SHROOM2: variants seen among roughly 807,000 people sequenced by gnomAD.
SHROOM2 encodes the protein shroom family member 2, also known as protein Shroom2.
SHROOM2 carries 33 observed loss-of-function variants against 75.9 expected under a neutral mutation model. The ratio of observed to expected loss-of-function variants is 0.43; its 90% CI spans 0.33 to 0.58. SHROOM2 has a LOEUF of 0.58. SHROOM2 is among the 20% of genes least tolerant of loss of function. SHROOM2 has a pLI of 0.04. For missense variants in SHROOM2, 1,434 were observed against 1,461.2 expected, an observed-to-expected ratio of 0.98 and a Z score of 0.30; for synonymous variants, 655 against 663.6, an observed-to-expected ratio of 0.99 and a Z score of 0.20.
intron 1 of SHROOM2, among the ~76,000 whole-genome samples, chrX:9,852,317 G>A (rs1266651400): frequency 8.9e-6 from 1 of 112,944 alleles, no homozygotes; most frequent in Middle Eastern, 4.2e-3. Flanking sequence ...TTCACTTTCT[G>A]CCTTGGCAGG....
At chrX:9,933,003 G>A (rs2084666531) in intron 6 of SHROOM2, 133 bp downstream of exon 6, 3 of 504,537 alleles carry the variant, frequency 5.9e-6, no homozygotes, top group Non-Finnish European at 9.5e-6. Flanking sequence ...TCAGTACTGG[G>A]GAATAACTGT....
chrX:9,791,083 G>A (rs774645540), intron 1 of SHROOM2, among the ~76,000 whole-genome samples: 6 of 110,730 alleles, frequency 5.4e-5, no homozygotes, highest in African/African-American at 1.6e-4. Flanking sequence ...GGATGCGTTC[G>A]GTCTTCATGG....
chrX:9,924,069 T>C (rs2084571565), intron 5 of SHROOM2, among the ~76,000 whole-genome samples: 1 of 112,291 alleles, frequency 8.9e-6, no homozygotes, highest in East Asian at 2.8e-4. Context: ...CACATGGCAC[T>C]AGAATCCTGG....
At chrX:9,821,993 TA>T (rs1484972837) in intron 1 of SHROOM2, among the ~76,000 whole-genome samples, 1 of 112,602 alleles carries the variant, frequency 8.9e-6, no homozygotes, top group Non-Finnish European at 1.9e-5. Flanking sequence ...TGTTCAGCCT[TA>T]TTCTTGAATT....
intron 1 of SHROOM2, among the ~76,000 whole-genome samples, chrX:9,803,350 A>T (rs1488753374): frequency 8.9e-6 from 1 of 111,799 alleles, no homozygotes; most frequent in African/African-American, 3.3e-5. Context: ...ATAATTTTTT[A>T]AAAATTTGTA....
At chrX:9,872,386 G>A (rs181118336) in intron 1 of SHROOM2, among the ~76,000 whole-genome samples, 24 of 112,421 alleles carry the variant, frequency 2.1e-4, no homozygotes, top group African/African-American at 6.1e-4. Context: ...CCAATGGGGT[G>A]AAACCCTGTC....
chrX:9,856,385 C>G (rs1157927064), intron 1 of SHROOM2, among the ~76,000 whole-genome samples: 1 of 111,664 alleles, frequency 9.0e-6, no homozygotes, highest in African/African-American at 3.3e-5. Flanking sequence ...TATCATTTTT[C>G]TTTGCTTGTT....
At chrX:9,799,557 C>A (rs2083713315) in intron 1 of SHROOM2, among the ~76,000 whole-genome samples, 1 of 111,402 alleles carries the variant, frequency 9.0e-6, no homozygotes, top group Non-Finnish European at 1.9e-5. Context: ...GTTGTAATTG[C>A]TTCACTGAAA....
At chrX:9,890,832 G>A in intron 2 of SHROOM2, 145 bp from the exon 3 acceptor site, 7 of 524,791 alleles carry the variant, frequency 1.3e-5, no homozygotes, top group South Asian at 1.1e-4. Context: ...GCGCACGTGC[G>A]CTGTGTGCGG....
chrX:9,802,638 GCT>G (rs1214396677), intron 1 of SHROOM2, among the ~76,000 whole-genome samples: 3 of 111,788 alleles, frequency 2.7e-5, no homozygotes, highest in Non-Finnish European at 5.6e-5. Flanking sequence ...GTGGGGACTG[GCT>G]CTGTTTCATT....
In SHROOM2 at chrX:9,844,511, C is replaced by CA. The variant is rs758172685; in HGVS notation, c.166-29134dup. On this transcript the variant is annotated intron_variant, in intron 1 of 9. Transcript: ENST00000380913. The stretch of plus-strand genomic sequence containing the variant: ...TGGTCCACAGAGCAAGACCCTGTCT[C>CA]AAAAAAATAAAAAAATTAAGGCCGG... 3.9e-3 allele frequency among the ~76,000 whole-genome samples: 425 copies of CA among 108,540 alleles called. 2 individuals carry two copies. The highest frequency in any genetic ancestry group is 0.014 in the African/African-American group (405 of 29,690). The allele number at this position is 108,540 out of a possible 115,157, so 94.3% of individuals were successfully genotyped here.
chrX:9,817,766 A>C (rs2146746504), intron 1 of SHROOM2, among the ~76,000 whole-genome samples: 1 of 112,115 alleles, frequency 8.9e-6, no homozygotes, highest in East Asian at 2.8e-4. Context: ...TGAATAAGGT[A>C]ATTACAAATA....
rs761948072 is a variant in SHROOM2, at chrX:9,894,720, G to A, written c.812G>A (p.Arg271Lys). The change falls in exon 4 of 10, where the codon AGG becomes AAG. Residue 271 changes from arginine to lysine, a missense_variant. Coordinates refer to ENST00000380913, the MANE Select transcript of SHROOM2 (RefSeq NM_001649.4). ...SEEKLSCFPP[R>K]VPGDSGKGPR... ...GAGAAGCTCAGTTGTTTCCCGCCCAGGGTCCCCGGTGACAGCGGCAAAGGC... is the reference window on the plus strand; with the variant it reads ...GAGAAGCTCAGTTGTTTCCCGCCCAAGGTCCCCGGTGACAGCGGCAAAGGC... 1.1e-5 allele frequency: 13 copies of A among 1,209,709 alleles called. No homozygotes were observed. Among genetic ancestry groups the A allele is most frequent in the Non-Finnish European group, 4.5e-6 (4 of 894,792 alleles).
chrX:9,885,023 G>A (rs901772110), intron 2 of SHROOM2, among the ~76,000 whole-genome samples: 2 of 111,311 alleles, frequency 1.8e-5, no homozygotes, highest in African/African-American at 6.6e-5. Context: ...CAGCCTGGGT[G>A]ACATGATGAG....
intron 1 of SHROOM2, among the ~76,000 whole-genome samples, chrX:9,823,059 CCTCCTCCTCCTCCTCCCTT>C (rs2083864458): frequency 6.4e-5 from 2 of 31,073 alleles, no homozygotes; most frequent in African/African-American, 9.9e-5. Context: ...TCCTCCTCCT[CCTCCTCCTCCTCCTCCCTT>C]CTCCCTTCTC....
At chrX:9,817,096 T>C (rs773315160) in intron 1 of SHROOM2, among the ~76,000 whole-genome samples, 3 of 110,553 alleles carry the variant, frequency 2.7e-5, no homozygotes, top group South Asian at 3.9e-4. Context: ...CTCAGCCTCC[T>C]GAGTAGGTGG....
intron 2 of SHROOM2, 152 bp downstream of exon 2, chrX:9,873,955 G>A: frequency 3.9e-6 from 2 of 515,465 alleles, no homozygotes; most frequent in Non-Finnish European, 6.0e-6. Context: ...CATGGGCCCG[G>A]CATCAAGAGT....
intron 1 of SHROOM2, among the ~76,000 whole-genome samples, chrX:9,869,243 G>A (rs1257747957): frequency 8.9e-6 from 1 of 112,938 alleles, no homozygotes; most frequent in African/African-American, 3.2e-5. Context: ...TTACAGGCAT[G>A]AGCCACCGCA....
rs759893115 is a variant in SHROOM2, at chrX:9,894,866, C to T, written c.958C>T (p.Pro320Ser). ...APSSPPPPPPPLRSDSFAATK... is the reference protein window; with the variant it reads ...APSSPPPPPPSLRSDSFAATK... ...ATCATCCCCACCTCCTCCCCCTCCCCCTCTCCGCAGTGACAGCTTTGCTGC... is the reference window on the plus strand; with the variant it reads ...ATCATCCCCACCTCCTCCCCCTCCCTCTCTCCGCAGTGACAGCTTTGCTGC... The change falls in exon 4 of 10, where the codon CCT becomes TCT. Residue 320 changes from proline (P) to serine (S), a missense_variant. Transcript: ENST00000380913. The T allele has an allele frequency of 1.7e-5, 21 of 1,210,198 alleles. No homozygotes were observed. The African/African-American group carries it at 3.1e-4, about 18-fold the overall frequency.
Sources: gnomAD v4.1 joint callset for allele counts (sites outside exome capture counted in the v4.1 genomes callset) on GRCh38, gnomAD v4.1.1 for gene constraint, MANE v1.5 for transcripts, NCBI Gene and HGNC (gene_info 2026-07-23, HGNC 2026-07-21) for gene names.